Variants in CDH13 observed in about 807,000 individuals in gnomAD.
CDH13 encodes the protein cadherin-13.
CDH13 carries 24 observed loss-of-function variants against 63.8 expected under a neutral mutation model. The observed-to-expected ratio is 0.38, with a 90% CI of 0.27 to 0.53. CDH13 has a LOEUF of 0.53. Ranked by LOEUF, CDH13 falls within the 20% of genes least tolerant of loss-of-function variation. The pLI, the probability that CDH13 is intolerant of heterozygous loss-of-function variation, is 0.85. For synonymous variants in CDH13, 503 were observed against 355.3 expected (o/e 1.42, Z -4.67); for missense variants, 1,049 against 903.1 (o/e 1.16, Z -2.07).
chr16:82,856,292 C>T (rs569566341), intron 1 of CDH13, among the ~76,000 whole-genome samples: 13 of 149,232 alleles, frequency 8.7e-5, no homozygotes, highest in East Asian at 4.0e-4. Flanking sequence ...GGGAGAATGG[C>T]GTCAAGCTGG....
chr16:83,013,285 A>T (rs1252829300), intron 2 of CDH13, among the ~76,000 whole-genome samples: 1 of 152,208 alleles, frequency 6.6e-6, no homozygotes, highest in Non-Finnish European at 1.5e-5. Flanking sequence ...AGTGGGCCGG[A>T]TTTGACATGC....
intron 2 of CDH13, among the ~76,000 whole-genome samples, chr16:82,879,135 G>C (rs1348072668): frequency 1.3e-5 from 2 of 152,242 alleles, no homozygotes; most frequent in South Asian, 4.1e-4. Context: ...CCATGGTTGT[G>C]GACATCACAG....
chr16:83,430,197 C>G (rs552253344), intron 6 of CDH13, among the ~76,000 whole-genome samples: 180 of 152,336 alleles, frequency 1.2e-3, no homozygotes, highest in Non-Finnish European at 2.0e-3. Context: ...GTACTCACAA[C>G]TGGCAAGATG....
intron 5 of CDH13, among the ~76,000 whole-genome samples, chr16:83,275,965 G>A (rs563619523): frequency 6.6e-6 from 1 of 152,240 alleles, no homozygotes; most frequent in East Asian, 1.9e-4. Flanking sequence ...TTATAATGAA[G>A]ACTACAGATT....
chr16:83,336,010 G>C (rs1356458198), intron 5 of CDH13, among the ~76,000 whole-genome samples: 1 of 151,964 alleles, frequency 6.6e-6, no homozygotes, highest in African/African-American at 2.4e-5. Flanking sequence ...TCTATTACTA[G>C]ATATTTGGGG....
At chr16:83,599,113 T>C (rs1043993562) in intron 7 of CDH13, among the ~76,000 whole-genome samples, 1 of 152,194 alleles carries the variant, frequency 6.6e-6, no homozygotes, top group Non-Finnish European at 1.5e-5. Flanking sequence ...GAGGGAATTA[T>C]AACATAGGTA....
Position 82,664,369 on chromosome 16 carries a change from T to C in CDH13, c.45+37232T>C, listed in dbSNP as rs537808481. Among the ~76,000 whole-genome samples, 5 of 152,336 alleles carry C rather than the reference T, an allele frequency of 3.3e-5. No homozygotes were observed. The South Asian group carries it at 6.2e-4, about 19-fold the overall frequency. On this transcript the variant is annotated intron_variant, in intron 1 of 13. Coordinates refer to ENST00000567109, the MANE Select transcript of CDH13 (RefSeq NM_001257.5). ...TTGCACTAGCTGATTAGTAAATTCA[T>C]GGCAGTGCCTGGTGCCTGAGAGAGC...
At chr16:83,003,188 A>T (rs1218221174) in intron 2 of CDH13, among the ~76,000 whole-genome samples, 1 of 152,188 alleles carries the variant, frequency 6.6e-6, no homozygotes, top group African/African-American at 2.4e-5. Flanking sequence ...GACAGTCTTG[A>T]TAAGCCCAGC....
chr16:83,430,178 A>G (rs574756979), intron 6 of CDH13, among the ~76,000 whole-genome samples: 5 of 152,342 alleles, frequency 3.3e-5, no homozygotes, highest in Admixed American at 3.3e-4. Context: ...TCCTGTGTTC[A>G]CCACAGCAGT....
intron 10 of CDH13, among the ~76,000 whole-genome samples, chr16:83,730,495 T>C (rs1162532793): frequency 6.6e-6 from 1 of 152,240 alleles, no homozygotes; most frequent in African/African-American, 2.4e-5. Context: ...TGGAGATACC[T>C]CCTTCTGGGC....
chr16:83,320,213 C>T (rs2090191303), intron 5 of CDH13, among the ~76,000 whole-genome samples: 1 of 145,902 alleles, frequency 6.9e-6, no homozygotes, highest in Admixed American at 6.9e-5. Context: ...ATAATTGTTC[C>T]TTTTTTTTTT....
At chr16:82,884,647 TA>T (rs2040819185) in intron 2 of CDH13, 1 of 155,380 alleles carries the variant, frequency 6.4e-6, no homozygotes, top group African/African-American at 2.4e-5. Flanking sequence ...GTGTTAAATT[TA>T]AACTTGACTG....
At chr16:82,700,644 C>T (rs1380350602) in intron 1 of CDH13, among the ~76,000 whole-genome samples, 2 of 151,912 alleles carry the variant, frequency 1.3e-5, no homozygotes, top group Admixed American at 1.3e-4. Flanking sequence ...GGTTTTCAGT[C>T]CTGTCCTAGA....
At chr16:82,651,679 C>G (rs955118761) in intron 1 of CDH13, among the ~76,000 whole-genome samples, 1 of 152,228 alleles carries the variant, frequency 6.6e-6, no homozygotes, top group African/African-American at 2.4e-5. Flanking sequence ...GCCATTGGAA[C>G]AAAGCCACTC....
intron 8 of CDH13, among the ~76,000 whole-genome samples, chr16:83,605,095 G>A (rs369169293): frequency 6.6e-6 from 1 of 152,172 alleles, no homozygotes; most frequent in African/African-American, 2.4e-5. Flanking sequence ...GAGACACTGA[G>A]TAGCATAAGG....
chr16:83,195,916 G>A (rs566827892), intron 4 of CDH13, among the ~76,000 whole-genome samples: 1 of 152,278 alleles, frequency 6.6e-6, no homozygotes. Flanking sequence ...GACATCTGAA[G>A]GCAAGAAATG....
At chr16:83,436,256 T>G (rs1490149008) in intron 6 of CDH13, among the ~76,000 whole-genome samples, 1 of 152,232 alleles carries the variant, frequency 6.6e-6, no homozygotes, top group African/African-American at 2.4e-5. Context: ...GGTTGTTTCA[T>G]TCTGGGGCAA....
At chr16:83,045,151 A>G (rs1003001777) in intron 3 of CDH13, among the ~76,000 whole-genome samples, 1 of 152,188 alleles carries the variant, frequency 6.6e-6, no homozygotes, top group Non-Finnish European at 1.5e-5. Flanking sequence ...ACATAGAGTA[A>G]TCTCAAAGTA....
intron 2 of CDH13, among the ~76,000 whole-genome samples, chr16:82,894,763 A>G (rs936241896): frequency 6.6e-6 from 1 of 152,270 alleles, no homozygotes; most frequent in Non-Finnish European, 1.5e-5. Flanking sequence ...TGGCCACGGC[A>G]GGCCTTCCCA....
Sources: gnomAD v4.1 joint callset for allele counts (sites outside exome capture counted in the v4.1 genomes callset) on GRCh38, gnomAD v4.1.1 for gene constraint, MANE v1.5 for transcripts, NCBI Gene and HGNC (gene_info 2026-07-23, HGNC 2026-07-21) for gene names.